Variants in RFX2 observed in about 807,000 individuals in gnomAD.
RFX2 encodes regulatory factor X2.
Under a neutral mutation model 87.8 loss-of-function variants are expected in RFX2, and 20 were observed. The observed-to-expected ratio is 0.23, with a 90% confidence interval of 0.16 to 0.33. RFX2 has a LOEUF of 0.33. RFX2 is among the 10% of genes least tolerant of loss of function. The probability of loss-of-function intolerance (pLI) is 1.00; values close to 1 mark genes in which losing one functional copy is unlikely to be tolerated. For synonymous variants in RFX2, 397 were observed against 431.3 expected (o/e 0.92, Z 0.98); for missense variants, 767 against 1,012.3 (o/e 0.76, Z 3.29).
intron 1 of RFX2, chr19:6,078,036 A>T (rs978643547): frequency 6.6e-6 from 1 of 151,778 alleles, no homozygotes; most frequent in Non-Finnish European, 1.5e-5. Flanking sequence ...AAACGGATGG[A>T]CAGTGGACCC....
intron 1 of RFX2, among the ~76,000 whole-genome samples, chr19:6,075,272 T>TGGA (rs763598849): frequency 0.019 from 2,872 of 149,274 alleles, 100 homozygotes; most frequent in African/African-American, 0.067. Flanking sequence ...GAGGAGAAGG[T>TGGA]GGAGGAGGAG....
At chr19:6,073,807 C>T (rs2087643385) in intron 1 of RFX2, among the ~76,000 whole-genome samples, 2 of 152,096 alleles carry the variant, frequency 1.3e-5, no homozygotes, top group African/African-American at 4.8e-5. Context: ...CGGCTAATAC[C>T]AGTAATTTGG....
At chr19:6,014,666 C>A (rs1007642013) in intron 7 of RFX2, among the ~76,000 whole-genome samples, 9 of 152,168 alleles carry the variant, frequency 5.9e-5, no homozygotes, top group African/African-American at 2.2e-4. Flanking sequence ...CTGAAGCCAG[C>A]AGCTGGGATA....
At chr19:6,052,352 G>A (rs2087277538) in intron 1 of RFX2, among the ~76,000 whole-genome samples, 1 of 152,130 alleles carries the variant, frequency 6.6e-6, no homozygotes, top group South Asian at 2.1e-4. Context: ...TTACAGATAT[G>A]TATGTACCTA....
chr19:6,010,093 A>T lies in RFX2; in HGVS notation c.1015+43T>A, dbSNP rs895104142. Reference sequence around the variant, plus strand: ...GGTGTTGAAACCCAGGAGTGTGGCGAGCAGATGGGAGCCCCGCCCCCGGGC... The same window carrying T: ...GGTGTTGAAACCCAGGAGTGTGGCGTGCAGATGGGAGCCCCGCCCCCGGGC... On this transcript the variant is annotated intron_variant, in intron 9 of 17. Transcript: ENST00000303657. This position sits in a 1 kb window ranked among gnomAD's most constrained non-coding sequence, Gnocchi z 5.0. 3 of 1,259,774 alleles carry T rather than the reference A, an allele frequency of 2.4e-6. No homozygotes were observed. Among genetic ancestry groups the T allele is most frequent in the Non-Finnish European group, 3.4e-6 (3 of 889,636 alleles). The allele number at this position is 1,259,774 out of a possible 1,614,324, so 78.0% of individuals were successfully genotyped here.
rs2087468084 is a variant in RFX2 at position 6,063,455 on chromosome 19, T to G, written c.-8-15951A>C. On this transcript the variant is annotated intron_variant, in intron 1 of 17. Transcript: ENST00000303657. The surrounding 1 kb of genome is among the most constrained non-coding windows in gnomAD (Gnocchi z 4.0). ...TCTCCTGCACACAACGCAGGGAGGG[T>G]GAGGATGGGGTCCATGCACCTGCCA... 6.6e-6 allele frequency among the ~76,000 whole-genome samples: 1 copy of G among 151,776 alleles called. No individual in the cohort carries two copies. The highest frequency in any genetic ancestry group is 6.6e-5 in the Admixed American group (1 of 15,258).
At chr19:6,032,349 C>G (rs1419803363) in intron 5 of RFX2, among the ~76,000 whole-genome samples, 1 of 152,124 alleles carries the variant, frequency 6.6e-6, no homozygotes, top group African/African-American at 2.4e-5. Context: ...CCAGGATGGT[C>G]TCGATCTCCT....
rs2087169007 is a variant in RFX2 at position 6,045,088 on chromosome 19, G to A, written c.91-806C>T. Among the ~76,000 whole-genome samples the A allele has an allele frequency of 6.6e-6, 1 of 152,188 alleles. No homozygotes were observed. Among genetic ancestry groups the A allele is most frequent in the African/African-American group, 2.4e-5 (1 of 41,440 alleles). ...CTGCAGTGCTGTGATTTCCCGGCAT[G>A]AACCCTGAATGTCACAGGTAGCAGT... On this transcript the variant is annotated intron_variant, in intron 2 of 17. Coordinates refer to ENST00000303657, the MANE Select transcript of RFX2 (RefSeq NM_000635.4). This position sits in a 1 kb window ranked among gnomAD's most constrained non-coding sequence, Gnocchi z 5.2.
chr19:6,082,183 A>C (rs958786263), intron 1 of RFX2, among the ~76,000 whole-genome samples: 1 of 151,688 alleles, frequency 6.6e-6, no homozygotes, highest in Non-Finnish European at 1.5e-5. Flanking sequence ...TAGGGAGGCT[A>C]CTAGGGAGGC....
At position 6,087,005 on chromosome 19, in the gene RFX2, T is replaced by A. The variant is rs186358831; in HGVS notation, c.-9+23388A>T. Reference sequence around the variant, plus strand: ...CTACAGCAGTATGTCTTTTTTTTTTTAATCTTTTAAAACTTAAATTCACAA... The same window carrying A: ...CTACAGCAGTATGTCTTTTTTTTTTAAATCTTTTAAAACTTAAATTCACAA... On this transcript the variant is annotated intron_variant, in intron 1 of 17. Coordinates refer to ENST00000303657, the MANE Select transcript of RFX2 (RefSeq NM_000635.4). Among the ~76,000 whole-genome samples, 10 of 151,540 alleles carry A rather than the reference T, an allele frequency of 6.6e-5. No homozygotes were observed. The East Asian group carries it at 1.4e-3, about 21-fold the overall frequency.
Position 6,040,147 on chromosome 19 carries a change from C to T in RFX2, c.355G>A (p.Val119Met), listed in dbSNP as rs779216796. ...ACCGCTGGCGGGGACGAGGCTGCCA[C>T]GGTCACCTGGGCACCGCCTGGGGCC... ...FEAPGGAQVT[V>M]AASSPPAVPS... The change falls in exon 5 of 18, where the codon GTG (valine) becomes ATG (methionine). Residue 119 changes from valine to methionine, a missense_variant. By Grantham distance (21) the Val-to-Met change is conservative. Transcript: ENST00000303657. The surrounding 1 kb of genome is among the most constrained non-coding windows in gnomAD (Gnocchi z 6.1). 243 of 1,607,430 alleles carry T rather than the reference C, an allele frequency of 1.5e-4. 1 individual carries two copies. The highest frequency in any genetic ancestry group is 1.7e-4 in the Non-Finnish European group (199 of 1,175,880).
intron 1 of RFX2, among the ~76,000 whole-genome samples, chr19:6,076,034 G>A (rs958958681): frequency 2.0e-5 from 3 of 152,138 alleles, no homozygotes; most frequent in African/African-American, 7.2e-5. Context: ...GGAGCTTGGT[G>A]TTCACAAAAA....
chr19:6,067,304 G>C (rs1011189694), intron 1 of RFX2, among the ~76,000 whole-genome samples: 2 of 152,210 alleles, frequency 1.3e-5, no homozygotes, highest in Non-Finnish European at 2.9e-5. Context: ...ACGACTTTTG[G>C]AAATATCATG....
In RFX2 at chr19:6,056,227, G is replaced by A. The variant is rs2087338533; in HGVS notation, c.-8-8723C>T. 1.3e-5 allele frequency among the ~76,000 whole-genome samples: 2 copies of A among 152,204 alleles called. No individual in the cohort carries two copies. Among genetic ancestry groups the A allele is most frequent in the African/African-American group, 2.4e-5 (1 of 41,436 alleles). ...GTAAAAATACAAGGGTGGAGAGGAG[G>A]ACGGAGAGTGGGTACAGGTATCCAG... On this transcript the variant is annotated intron_variant, in intron 1 of 17. Coordinates refer to ENST00000303657, the MANE Select transcript of RFX2 (RefSeq NM_000635.4). The surrounding 1 kb of genome is among the most constrained non-coding windows in gnomAD (Gnocchi z 4.6).
rs995584367 is a variant in RFX2, at chr19:6,010,611, G to A, written c.900-360C>T. On this transcript the variant is annotated intron_variant, in intron 8 of 17. Coordinates refer to ENST00000303657, the MANE Select transcript of RFX2 (RefSeq NM_000635.4). This position sits in a 1 kb window ranked among gnomAD's most constrained non-coding sequence, Gnocchi z 5.0. ...TCTGACGACTCTAGGGACCTCCTAG[G>A]AGTGGGGTCACACAGGATTTGTCCT... Among the ~76,000 whole-genome samples the A allele has an allele frequency of 2.0e-5, 3 of 152,236 alleles. No homozygotes were observed. Among genetic ancestry groups the A allele is most frequent in the African/African-American group, 4.8e-5 (2 of 41,530 alleles).
In RFX2 at chr19:6,050,139, G is replaced by A. The variant is rs2087249872; in HGVS notation, c.-8-2635C>T. Among the ~76,000 whole-genome samples, 1 of 152,198 alleles carries A rather than the reference G, an allele frequency of 6.6e-6. No homozygotes were observed. The highest frequency in any genetic ancestry group is 1.5e-5 in the Non-Finnish European group (1 of 68,038). On this transcript the variant is annotated intron_variant, in intron 1 of 17. Transcript: ENST00000303657. The surrounding 1 kb of genome is among the most constrained non-coding windows in gnomAD (Gnocchi z 4.6). The stretch of plus-strand genomic sequence containing the variant: ...GGGGTCTTGGGGAAAAACCAGCAGT[G>A]CAAAGATAAAAAAATTAAGTGAAGA...
intron 1 of RFX2, among the ~76,000 whole-genome samples, chr19:6,089,452 T>C (rs562966330): frequency 1.4e-4 from 21 of 152,314 alleles, no homozygotes; most frequent in African/African-American, 5.1e-4. Flanking sequence ...GGTTGGAATG[T>C]TGTGTCCCCC....
At chr19:6,082,903 T>A (rs1484781698) in intron 1 of RFX2, among the ~76,000 whole-genome samples, 3 of 152,220 alleles carry the variant, frequency 2.0e-5, no homozygotes, top group Admixed American at 2.0e-4. Context: ...GCTGATCCTG[T>A]CTTTATGTAA....
chr19:6,017,698 G>T lies in RFX2; in HGVS notation c.598-1427C>A, dbSNP rs529897851. Reference sequence around the variant, plus strand: ...GAGCTCCGAAGGGCTCCTGCTGCCTGGGCCCTTCAGAGTGGGCAGTGCTGG... The same window carrying T: ...GAGCTCCGAAGGGCTCCTGCTGCCTTGGCCCTTCAGAGTGGGCAGTGCTGG... On this transcript the variant is annotated intron_variant, in intron 6 of 17. Transcript: ENST00000303657. The surrounding 1 kb of genome is among the most constrained non-coding windows in gnomAD (Gnocchi z 4.1). Among the ~76,000 whole-genome samples the T allele has an allele frequency of 2.0e-5, 3 of 152,140 alleles. No homozygotes were observed. Among genetic ancestry groups the T allele is most frequent in the Non-Finnish European group, 4.4e-5 (3 of 68,028 alleles).
Sources: allele counts gnomAD v4.1 joint callset (sites outside exome capture counted in the v4.1 genomes callset), GRCh38; gene constraint gnomAD v4.1.1; non-coding constraint Gnocchi (gnomAD v3.1); transcripts MANE v1.5; gene names NCBI Gene and HGNC (gene_info 2026-07-23, HGNC 2026-07-21).